TTC7B: variants seen among roughly 807,000 people sequenced by gnomAD.
The protein encoded by TTC7B is tetratricopeptide repeat protein 7B.
A neutral mutation model predicts 106.8 loss-of-function variants in TTC7B; 28 were observed. That is an observed-to-expected ratio of 0.26 (90% CI 0.19 to 0.36). The LOEUF is 0.36. TTC7B is among the 10% of genes least tolerant of loss of function. The pLI, the probability that TTC7B is intolerant of heterozygous loss-of-function variation, is 1.00. For missense variants in TTC7B, 862 were observed against 1,076.4 expected (o/e 0.80, Z 2.79); for synonymous variants, 405 against 430.6 (o/e 0.94, Z 0.74).
At chr14:90,632,558 C>T (rs1375902616) in intron 15 of TTC7B, among the ~76,000 whole-genome samples, 2 of 152,214 alleles carry the variant, frequency 1.3e-5, no homozygotes, top group Non-Finnish European at 2.9e-5. Context: ...AACTCCTGCT[C>T]ATCTGGGTTA....
rs758529027 is a variant in TTC7B, at chr14:90,577,142, G to C, written c.2310+964C>G. Among the ~76,000 whole-genome samples the C allele has an allele frequency of 2.6e-5, 4 of 152,160 alleles. No homozygotes were observed. Among genetic ancestry groups the C allele is most frequent in the Non-Finnish European group, 5.9e-5 (4 of 68,016 alleles). On this transcript the variant is annotated intron_variant, in intron 19 of 19. Transcript: ENST00000328459. This position sits in a 1 kb window ranked among gnomAD's most constrained non-coding sequence, Gnocchi z 5.0. The stretch of plus-strand genomic sequence containing the variant: ...AGGGCCCTGAGCTTTATAATAAAAG[G>C]CTCTTCTTTCCTGCGGTTCATGACA...
At position 90,657,770 on chromosome 14, in the gene TTC7B, T is replaced by TAAAAA; in HGVS notation, c.1237-493_1237-492insTTTTT. 5.6e-6 allele frequency: 1 copy of TAAAAA among 178,714 alleles called. No homozygotes were observed. The highest frequency in any genetic ancestry group is 1.2e-4 in the South Asian group (1 of 8,574). The allele number at this position is 178,714 out of a possible 1,614,324, so 11.1% of individuals were successfully genotyped here. A position where few individuals can be genotyped will look rare whatever the true frequency, so the allele number is the denominator to read the frequency against. ...AAACACCTCTGGTGTAGCATCTCAT[T>TAAAAA]CTCCTGATAACACATCTATGGAGCA... is the stretch of plus-strand genomic sequence containing the variant. On this transcript the variant is annotated intron_variant, in intron 10 of 19. Transcript: ENST00000328459. This position sits in a 1 kb window ranked among gnomAD's most constrained non-coding sequence, Gnocchi z 4.2.
chr14:90,538,417 A>T lies in TTC7B; in HGVS notation c.*2951T>A, dbSNP rs1292301517. ...GCCAGAGCCATGAGAGGGCTTGGGG[A>T]AGGAGAGGCAGCCAGGCACACAGGG... On this transcript the variant is annotated 3_prime_UTR_variant, in exon 20 of 20. Coordinates refer to ENST00000328459, the MANE Select transcript of TTC7B (RefSeq NM_001010854.2). 6.6e-6 allele frequency: 1 copy of T among 152,592 alleles called. No individual in the cohort carries two copies. The highest frequency in any genetic ancestry group is 1.5e-5 in the Non-Finnish European group (1 of 68,218). The allele number at this position is 152,592 out of a possible 1,614,324, so 9.5% of individuals were successfully genotyped here. A position where few individuals can be genotyped will look rare whatever the true frequency, so the allele number is the denominator to read the frequency against.
intron 5 of TTC7B, among the ~76,000 whole-genome samples, chr14:90,713,086 T>C (rs1370175383): frequency 6.6e-6 from 1 of 152,138 alleles, no homozygotes; most frequent in Admixed American, 6.6e-5. Context: ...GGCAAAAGTT[T>C]TGAACAGACA....
At chr14:90,703,370 T>C (rs1415361961) in intron 5 of TTC7B, among the ~76,000 whole-genome samples, 1 of 152,072 alleles carries the variant, frequency 6.6e-6, no homozygotes, top group African/African-American at 2.4e-5. Flanking sequence ...GACTGGGCTA[T>C]GGAGAGGAAA....
chr14:90,570,536 A>G lies in TTC7B; in HGVS notation c.2310+7570T>C, dbSNP rs2139794949. Among the ~76,000 whole-genome samples, 1 of 152,310 alleles carries G rather than the reference A, an allele frequency of 6.6e-6. No individual in the cohort carries two copies. Among genetic ancestry groups the G allele is most frequent in the South Asian group, 2.1e-4 (1 of 4,828 alleles). ...AAAACCAGGGCCCTGGCTCTGCAGA[A>G]ACAGGCAGCAAGTCACACTCAAAAG... On this transcript the variant is annotated intron_variant, in intron 19 of 19. Transcript: ENST00000328459. This position sits in a 1 kb window ranked among gnomAD's most constrained non-coding sequence, Gnocchi z 4.0.
rs1371479578 is a variant in TTC7B, at chr14:90,657,663, A to G, written c.1237-385T>C. On this transcript the variant is annotated intron_variant, in intron 10 of 19. Coordinates refer to ENST00000328459, the MANE Select transcript of TTC7B (RefSeq NM_001010854.2). The surrounding 1 kb of genome is among the most constrained non-coding windows in gnomAD (Gnocchi z 4.2). Reference sequence around the variant, plus strand: ...CAAATAATCTTCCATCTCAGGCTTCATTCGCTAAATGGCCCAAATTAGCAA... The same window carrying G: ...CAAATAATCTTCCATCTCAGGCTTCGTTCGCTAAATGGCCCAAATTAGCAA... Among the ~76,000 whole-genome samples, 1 of 152,266 alleles carries G rather than the reference A, an allele frequency of 6.6e-6. No individual in the cohort carries two copies. The highest frequency in any genetic ancestry group is 1.9e-4 in the East Asian group (1 of 5,204).
At chr14:90,777,395 G>A (rs1021601560) in intron 3 of TTC7B, among the ~76,000 whole-genome samples, 5 of 152,114 alleles carry the variant, frequency 3.3e-5, no homozygotes, top group Non-Finnish European at 5.9e-5. Context: ...TTGGGGTTTG[G>A]AGAGTTAAAG....
In TTC7B at chr14:90,578,180, T is replaced by C. The variant is rs201879462; in HGVS notation, c.2236A>G (p.Met746Val). The C allele has an allele frequency of 3.7e-6, 6 of 1,614,028 alleles. No individual in the cohort carries two copies. The highest frequency in any genetic ancestry group is 2.2e-5 in the East Asian group (1 of 44,882). The change falls in exon 19 of 20, where the codon ATG (methionine) becomes GTG (valine). Residue 746 changes from methionine to valine, a missense_variant. Met to Val is a conservative substitution (Grantham distance 21). Transcript: ENST00000328459. This position sits in a 1 kb window ranked among gnomAD's most constrained non-coding sequence, Gnocchi z 4.7. Reference protein sequence around the residue: ...RGQIAELRGSMDEARRWYEEA... With the variant: ...RGQIAELRGSVDEARRWYEEA... ...TCATACCACCGCCGCGCCTCGTCCA[T>C]GCTTCCCCGGAGCTCAGCAATCTGG...
chr14:90,615,962 A>G (rs980120126), intron 16 of TTC7B, among the ~76,000 whole-genome samples: 1 of 152,140 alleles, frequency 6.6e-6, no homozygotes, highest in Non-Finnish European at 1.5e-5. Flanking sequence ...GCCCTGAAGG[A>G]ACCTTCAGGA....
At chr14:90,689,840 T>G in intron 6 of TTC7B, 128 bp from the exon 7 acceptor site, 1 of 1,117,906 alleles carries the variant, frequency 8.9e-7, no homozygotes, top group Non-Finnish European at 1.2e-6. Context: ...TAATTAAAAA[T>G]TTTTCCTTTA....
At chr14:90,780,665 C>T in intron 3 of TTC7B, 73 bp downstream of exon 3, 1 of 1,532,390 alleles carries the variant, frequency 6.5e-7, no homozygotes, top group African/African-American at 1.4e-5. Flanking sequence ...GGCCAAGGGT[C>T]AAATAGGCAG....
chr14:90,678,713 T>C (rs546186109), intron 8 of TTC7B, among the ~76,000 whole-genome samples: 45 of 152,322 alleles, frequency 3.0e-4, no homozygotes, highest in African/African-American at 9.9e-4. Context: ...TTGAGTATTA[T>C]TAGTTTCTAT....
chr14:90,578,545 A>G lies in TTC7B; in HGVS notation c.2108-237T>C, dbSNP rs1464607102. Among the ~76,000 whole-genome samples, 1 of 152,064 alleles carries G rather than the reference A, an allele frequency of 6.6e-6. No homozygotes were observed. Among genetic ancestry groups the G allele is most frequent in the African/African-American group, 2.4e-5 (1 of 41,410 alleles). On this transcript the variant is annotated intron_variant, in intron 18 of 19. Transcript: ENST00000328459. This position sits in a 1 kb window ranked among gnomAD's most constrained non-coding sequence, Gnocchi z 4.7. ...GGGCAGGCATAGGTCACCACCAGGC[A>G]GGGAGCAGTGAGGCCTGCCTGGTCC...
Position 90,625,462 on chromosome 14 carries a change from C to T in TTC7B, c.1752-7417G>A, listed in dbSNP as rs138319322. Among the ~76,000 whole-genome samples, 105 of 152,362 alleles carry T rather than the reference C, an allele frequency of 6.9e-4. 2 individuals carry two copies. In the East Asian group the frequency reaches 0.01, roughly 15 times the overall value. On this transcript the variant is annotated intron_variant, in intron 15 of 19. Coordinates refer to ENST00000328459, the MANE Select transcript of TTC7B (RefSeq NM_001010854.2). Reference sequence around the variant, plus strand: ...CCGTATGCTGCTCTTGGAGCCACTGCTCTCCTGGCTGGGTTTCCAAAGCAC... The same window carrying T: ...CCGTATGCTGCTCTTGGAGCCACTGTTCTCCTGGCTGGGTTTCCAAAGCAC...
intron 5 of TTC7B, among the ~76,000 whole-genome samples, chr14:90,704,639 A>G (rs1888132230): frequency 6.6e-6 from 1 of 152,234 alleles, no homozygotes; most frequent in Non-Finnish European, 1.5e-5. Flanking sequence ...ACCTAGACAC[A>G]TCTGGCTGCA....
In TTC7B at chr14:90,808,760, G is replaced by A. The variant is rs111760923; in HGVS notation, c.121+7415C>T. On this transcript the variant is annotated intron_variant, in intron 1 of 19. Transcript: ENST00000328459. The surrounding 1 kb of genome is among the most constrained non-coding windows in gnomAD (Gnocchi z 4.2). ...CCAGGTGGGAGACACTGGCTTTCACGCATGTCAAAGGCCTGCAACCCGCCA... is the reference window on the plus strand; with the variant it reads ...CCAGGTGGGAGACACTGGCTTTCACACATGTCAAAGGCCTGCAACCCGCCA... Among the ~76,000 whole-genome samples the A allele has an allele frequency of 9.0e-4, 137 of 152,284 alleles. No homozygotes were observed. The highest frequency in any genetic ancestry group is 2.0e-3 in the African/African-American group (85 of 41,548).
At chr14:90,815,759 C>T (rs377182568) in intron 1 of TTC7B, among the ~76,000 whole-genome samples, 13 of 152,190 alleles carry the variant, frequency 8.5e-5, no homozygotes, top group African/African-American at 3.1e-4. Flanking sequence ...ATCCTGATTC[C>T]CTGAGCACAC....
At chr14:90,644,233 G>C (rs1260952689) in intron 14 of TTC7B, 25 bp from the exon 15 acceptor site, 1 of 1,487,296 alleles carries the variant, frequency 6.7e-7, no homozygotes, top group East Asian at 2.5e-5. Context: ...AACCAAAAAA[G>C]GTTTTACATA....
Sources: allele counts gnomAD v4.1 joint callset (sites outside exome capture counted in the v4.1 genomes callset), GRCh38; gene constraint gnomAD v4.1.1; non-coding constraint Gnocchi (gnomAD v3.1); transcripts MANE v1.5; gene names NCBI Gene and HGNC (gene_info 2026-07-23, HGNC 2026-07-21).